The following TBR1 variants were observed in gnomAD, a reference collection of about 807,000 sequenced individuals.
TBR1 encodes the protein T-box brain protein 1.
TBR1 carries 7 observed loss-of-function variants against 60.3 expected under a neutral mutation model. That is an observed-to-expected ratio of 0.12 (90% CI 0.07 to 0.22). TBR1 has a LOEUF of 0.22. TBR1 is among the 10% of genes least tolerant of loss of function. TBR1 has a pLI of 1.00. For synonymous variants in TBR1, 417 were observed against 409.9 expected (o/e 1.02, Z -0.21); for missense variants, 616 against 936.8 (o/e 0.66, Z 4.47).
At chr2:161,421,241 T>G (rs1684226936) in intron 5 of TBR1, 1 of 152,272 alleles carries the variant, frequency 6.6e-6, no homozygotes, top group African/African-American at 2.4e-5. Flanking sequence ...TGAAGCTGCC[T>G]TTGACTAGCA....
In TBR1 at chr2:161,416,381, C is replaced by T; in HGVS notation, c.-30C>T. On this transcript the variant is annotated 5_prime_UTR_variant, in exon 1 of 6. In the 5' UTR this introduces an upstream ATG that the reference lacks. Coordinates refer to ENST00000389554, the MANE Select transcript of TBR1 (RefSeq NM_006593.4). This position sits in a 1 kb window ranked among gnomAD's most constrained non-coding sequence, Gnocchi z 6.1. Reference sequence around the variant, plus strand: ...TAAATAGGACTTTAAAAACCAGGGACGGGAGGGCGAGTGTTCAGGTTCTAG... The same window carrying T: ...TAAATAGGACTTTAAAAACCAGGGATGGGAGGGCGAGTGTTCAGGTTCTAG... 4 of 1,513,162 alleles carry T rather than the reference C, an allele frequency of 2.6e-6. No individual in the cohort carries two copies. Among genetic ancestry groups the T allele is most frequent in the South Asian group, 1.3e-5 (1 of 75,688 alleles). 93.7% of individuals were successfully genotyped at this position (1,513,162 alleles called of 1,614,324 possible).
Position 161,423,943 on chromosome 2 carries a change from C to T in TBR1, c.1765C>T (p.Leu589=). 4.5e-6 allele frequency: 7 copies of T among 1,544,688 alleles called. No homozygotes were observed. The highest frequency in any genetic ancestry group is 6.1e-6 in the Non-Finnish European group (7 of 1,144,246). Residue 589 remains leucine, a synonymous_variant, in exon 6 of 6, where the codon CTG becomes TTG. Transcript: ENST00000389554. ...CTACCTGGGCGAGGAGGCCGAGGGC[C>T]TGGCCGCCGAGCGCTCGCCGCTGCC... The part of the protein sequence containing the change: ...NPYLGEEAEG[L]AAERSPLPPG...
chr2:161,424,412 GTC>G lies in TBR1; in HGVS notation c.*189_*190del. The G allele has an allele frequency of 1.5e-6, 1 of 661,354 alleles. No homozygotes were observed. Among genetic ancestry groups the G allele is most frequent in the Non-Finnish European group, 2.5e-6 (1 of 400,110 alleles). The allele number at this position is 661,354 out of a possible 1,614,324, so 41.0% of individuals were successfully genotyped here. A position where few individuals can be genotyped will look rare whatever the true frequency, so the allele number is the denominator to read the frequency against. ...TGATTTTAACCTTTTTTGCACAGCA[GTC>G]TCTGCAATTAGCTCACCGACCTTCA... On this transcript the variant is annotated 3_prime_UTR_variant, in exon 6 of 6. Transcript: ENST00000389554. The surrounding 1 kb of genome is among the most constrained non-coding windows in gnomAD (Gnocchi z 4.4).
At position 161,423,718 on chromosome 2, in the gene TBR1, C is replaced by T. The variant is rs779821061; in HGVS notation, c.1540C>T (p.Leu514Phe). Residue 514 changes from leucine (L) to phenylalanine (F), a missense_variant, in exon 6 of 6, where the codon CTC becomes TTC. Around this residue, in one of 8 missense-constraint regions of TBR1, gnomAD observed 210 missense variants for 297.4 expected, o/e 0.71. Transcript: ENST00000389554. ...TDFAGNAATL[L>F]SYAAAGVKAL... is the part of the protein sequence containing the mutation. ...CTTCGCGGGCAACGCGGCCACGCTG[C>T]TCTCTTACGCGGCGGCGGGCGTGAA... 3 of 1,527,442 alleles carry T rather than the reference C, an allele frequency of 2.0e-6. No individual in the cohort carries two copies. The highest frequency in any genetic ancestry group is 8.7e-7 in the Non-Finnish European group (1 of 1,146,034). 94.6% of individuals were successfully genotyped at this position (1,527,442 alleles called of 1,614,324 possible).
At position 161,419,312 on chromosome 2, in the gene TBR1, C is replaced by T. The variant is rs539171237; in HGVS notation, c.1128+262C>T. On this transcript the variant is annotated intron_variant, in intron 4 of 5. Transcript: ENST00000389554. The stretch of plus-strand genomic sequence containing the variant: ...TTGAGGTGGCCAGGATTTCTAAAGA[C>T]TCTTCTTTTGGGAGTTTTAATTTGG... 181 of 438,684 alleles carry T rather than the reference C, an allele frequency of 4.1e-4. 1 individual carries two copies. The South Asian group carries it at 5.2e-3, about 13-fold the overall frequency. 27.2% of individuals were successfully genotyped at this position (438,684 alleles called of 1,614,324 possible). A position where few individuals can be genotyped will look rare whatever the true frequency, so the allele number is the denominator to read the frequency against.
chr2:161,416,609 A>C lies in TBR1; in HGVS notation c.199A>C (p.Asn67His), dbSNP rs1334318795. Residue 67 changes from asparagine to histidine, a missense_variant, in exon 1 of 6, where the codon AAT becomes CAT. Physicochemically the swap from Asn to His is moderately conservative, Grantham distance 68. This residue lies in a region of TBR1 where 211 missense variants were observed against 268.7 expected (regional missense o/e 0.79). Transcript: ENST00000389554. The surrounding 1 kb of genome is among the most constrained non-coding windows in gnomAD (Gnocchi z 6.1). ...GATGACGAATCAGTCAGATACAGAC[A>C]ATTTTCCTGACTCCAAGGACTCACC... Reference protein sequence around the residue: ...RGMTNQSDTDNFPDSKDSPGD... With the variant: ...RGMTNQSDTDHFPDSKDSPGD... The C allele has an allele frequency of 1.4e-5, 22 of 1,614,048 alleles. No homozygotes were observed. Among genetic ancestry groups the C allele is most frequent in the Non-Finnish European group, 1.8e-5 (21 of 1,180,038 alleles).
chr2:161,420,102 T>C, intron 4 of TBR1, 94 bp from the exon 5 acceptor site: 1 of 1,096,014 alleles, frequency 9.1e-7, no homozygotes, highest in Non-Finnish European at 1.4e-6. Context: ...ATTGTAGGCC[T>C]TAAGCCCCTG....
chr2:161,417,984 A>T lies in TBR1; in HGVS notation c.847+154A>T. On this transcript the variant is annotated intron_variant, in intron 2 of 5. Coordinates refer to ENST00000389554, the MANE Select transcript of TBR1 (RefSeq NM_006593.4). The surrounding 1 kb of genome is among the most constrained non-coding windows in gnomAD (Gnocchi z 5.3). ...GGACAGGGGGACAGACTGAGCTGCG[A>T]GAAGGGGGAGGATTATGCAAAAGCT... 1.4e-6 allele frequency: 2 copies of T among 1,453,870 alleles called. No individual in the cohort carries two copies. Among genetic ancestry groups the T allele is most frequent in the Non-Finnish European group, 1.8e-6 (2 of 1,103,442 alleles). 90.1% of individuals were successfully genotyped at this position (1,453,870 alleles called of 1,614,324 possible).
chr2:161,418,933 G>T lies in TBR1; in HGVS notation c.1011G>T (p.Leu337=). 1 of 1,614,212 alleles carries T rather than the reference G, an allele frequency of 6.2e-7. No individual in the cohort carries two copies. The highest frequency in any genetic ancestry group is 1.3e-5 in the African/African-American group (1 of 75,054). Residue 337 remains leucine, a synonymous_variant, in exon 4 of 6, where the codon CTG becomes CTT. Coordinates refer to ENST00000389554, the MANE Select transcript of TBR1 (RefSeq NM_006593.4). ...LQSLHKYQPR[L]HVVEVNEDGT... is the part of the protein sequence containing the mutation. ...CCTTGCACAAGTACCAGCCCCGCCT[G>T]CATGTGGTGGAAGTGAACGAGGACG...
intron 5 of TBR1, chr2:161,422,168 TCTC>T (rs1226791679): frequency 6.6e-6 from 1 of 152,170 alleles, no homozygotes; most frequent in Non-Finnish European, 1.5e-5. Flanking sequence ...AGACTGAGGC[TCTC>T]CTTCAAAACA....
chr2:161,425,414 T>C lies in TBR1; in HGVS notation c.*1187T>C, dbSNP rs1684304386. 6.6e-6 allele frequency: 1 copy of C among 152,204 alleles called. No individual in the cohort carries two copies. The highest frequency in any genetic ancestry group is 1.5e-5 in the Non-Finnish European group (1 of 68,042). 9.4% of individuals were successfully genotyped at this position (152,204 alleles called of 1,614,324 possible). ...TTGTATATTTTACTGCATTTTAGTT[T>C]TGAAAATGACTTCCCCACCACCTAG... is the stretch of plus-strand genomic sequence containing the variant. On this transcript the variant is annotated 3_prime_UTR_variant, in exon 6 of 6. Transcript: ENST00000389554.
chr2:161,423,567 C>T lies in TBR1; in HGVS notation c.1389C>T (p.His463=). ...PGPGTDRSVP[H]TNGLLSPQQA... is the part of the protein sequence containing the mutation. ...CGGGTACGGACCGCAGCGTGCCGCACACCAACGGGCTGCTGTCGCCGCAGC... is the reference window on the plus strand; with the variant it reads ...CGGGTACGGACCGCAGCGTGCCGCATACCAACGGGCTGCTGTCGCCGCAGC... The change falls in exon 6 of 6, where the codon CAC becomes CAT. Residue 463 remains histidine (H), a synonymous_variant. Coordinates refer to ENST00000389554, the MANE Select transcript of TBR1 (RefSeq NM_006593.4). The T allele has an allele frequency of 3.9e-6, 6 of 1,551,392 alleles. No homozygotes were observed. The highest frequency in any genetic ancestry group is 4.3e-6 in the Non-Finnish European group (5 of 1,153,480).
intron 2 of TBR1, 176 bp from the exon 3 acceptor site, chr2:161,418,023 CCA>C: frequency 6.9e-7 from 1 of 1,453,146 alleles, no homozygotes; most frequent in Non-Finnish European, 9.1e-7. Flanking sequence ...TTAATCACCC[CCA>C]GTTAATAGGA....
At chr2:161,422,008 A>G (rs1297038074) in intron 5 of TBR1, 1 of 152,274 alleles carries the variant, frequency 6.6e-6, no homozygotes, top group Non-Finnish European at 1.5e-5. Flanking sequence ...TGAGTGGTTC[A>G]TGACACTCTT....
At chr2:161,420,419 T>C in intron 5 of TBR1, 162 bp downstream of exon 5, 1 of 73,078 alleles carries the variant, frequency 1.4e-5, no homozygotes, top group Non-Finnish European at 2.6e-5. Context: ...CTTCCTCTTC[T>C]TTTTTTTTTT....
At position 161,423,828 on chromosome 2, in the gene TBR1, C is replaced by T. The variant is rs946231026; in HGVS notation, c.1650C>T (p.Pro550=). ...ADPSGWGARS[P]PQYCGTKSGS... is the part of the protein sequence containing the mutation. ...CGTCGGGCTGGGGCGCCCGCAGTCC[C>T]CCGCAGTACTGCGGCACCAAGTCGG... Residue 550 remains proline (P), a synonymous_variant, in exon 6 of 6, where the codon CCC becomes CCT. Transcript: ENST00000389554. 6 of 1,471,868 alleles carry T rather than the reference C, an allele frequency of 4.1e-6. No individual in the cohort carries two copies. The highest frequency in any genetic ancestry group is 2.4e-4 in the Middle Eastern group (1 of 4,250). The allele number at this position is 1,471,868 out of a possible 1,614,324, so 91.2% of individuals were successfully genotyped here.
At position 161,423,697 on chromosome 2, in the gene TBR1, G is replaced by C. The variant is rs756711732; in HGVS notation, c.1519G>C (p.Ala507Pro). Residue 507 changes from alanine to proline, a missense_variant, in exon 6 of 6, where the codon GCG becomes CCG. Around this residue, in one of 8 missense-constraint regions of TBR1, gnomAD observed 210 missense variants for 297.4 expected, o/e 0.71. Transcript: ENST00000389554. Reference protein sequence around the residue: ...ASAYDTATDFAGNAATLLSYA... With the variant: ...ASAYDTATDFPGNAATLLSYA... ...GGCCTATGACACGGCCACGGACTTC[G>C]CGGGCAACGCGGCCACGCTGCTCTC... The C allele has an allele frequency of 6.5e-7, 1 of 1,537,206 alleles. No homozygotes were observed. The highest frequency in any genetic ancestry group is 1.2e-5 in the South Asian group (1 of 83,210).
In TBR1 at chr2:161,418,981, C is replaced by T. The variant is rs532782196; in HGVS notation, c.1059C>T (p.Pro353=). ...NEDGTEDTSQ[P]GRVQTFTFPE... ...ACGGCACGGAGGACACTAGCCAGCCCGGCCGCGTGCAGACGTTCACTTTCC... is the reference window on the plus strand; with the variant it reads ...ACGGCACGGAGGACACTAGCCAGCCTGGCCGCGTGCAGACGTTCACTTTCC... Residue 353 remains proline, a synonymous_variant, in exon 4 of 6, where the codon CCC becomes CCT. Transcript: ENST00000389554. 1.9e-6 allele frequency: 3 copies of T among 1,614,232 alleles called. No individual in the cohort carries two copies. Among genetic ancestry groups the T allele is most frequent in the South Asian group, 2.2e-5 (2 of 91,082 alleles).
chr2:161,418,667 C>T (rs1047882451), intron 3 of TBR1: 2 of 625,094 alleles, frequency 3.2e-6, no homozygotes, highest in Non-Finnish European at 5.2e-6. Flanking sequence ...GTCGGCTTCC[C>T]CCTTTTTTCC....
Sources: gnomAD v4.1 joint callset for allele counts on GRCh38, gnomAD v4.1.1 for gene constraint, gnomAD v4.1.1 regional missense constraint, Gnocchi (gnomAD v3.1) non-coding constraint, MANE v1.5 for transcripts, NCBI Gene and HGNC (gene_info 2026-07-23, HGNC 2026-07-21) for gene names.